The following ANAPC10 variants were observed in gnomAD, a reference collection of about 807,000 sequenced individuals.
ANAPC10 encodes anaphase-promoting complex subunit 10.
A neutral mutation model predicts 22.0 loss-of-function variants in ANAPC10; 12 were observed. The observed-to-expected ratio is 0.55, with a 90% CI of 0.35 to 0.88. ANAPC10 has a LOEUF of 0.88. Ranked by LOEUF, ANAPC10 falls within the 40% of genes least tolerant of loss-of-function variation. The pLI is 0.01. For missense variants in ANAPC10, 188 were observed against 220.9 expected (o/e 0.85, Z 0.94); for synonymous variants, 65 against 69.5 (o/e 0.94, Z 0.32).
chr4:145,037,156 T>C (rs1337401768), intron 4 of ANAPC10, among the ~76,000 whole-genome samples: 1 of 152,064 alleles, frequency 6.6e-6, no homozygotes, highest in Non-Finnish European at 1.5e-5. Flanking sequence ...CCATGAGGTT[T>C]AGTTTTTTCC....
At chr4:145,021,952 T>C (rs1281227895) in intron 4 of ANAPC10, among the ~76,000 whole-genome samples, 1 of 152,074 alleles carries the variant, frequency 6.6e-6, no homozygotes, top group Non-Finnish European at 1.5e-5. Flanking sequence ...AAATGCGAAT[T>C]AAAATCACAA....
intron 4 of ANAPC10, among the ~76,000 whole-genome samples, chr4:145,002,161 A>G (rs537030520): frequency 1.2e-4 from 18 of 152,222 alleles, no homozygotes; most frequent in Admixed American, 3.3e-4. Flanking sequence ...AGCAGATTCT[A>G]GAATTTTAAC....
intron 4 of ANAPC10, among the ~76,000 whole-genome samples, chr4:145,013,702 C>A (rs527384403): frequency 7.9e-5 from 12 of 152,132 alleles, no homozygotes; most frequent in African/African-American, 2.9e-4. Context: ...GACCCACAGA[C>A]CCTCTGAAAA....
intron 3 of ANAPC10, among the ~76,000 whole-genome samples, chr4:145,075,704 T>A (rs561821537): frequency 1.3e-5 from 2 of 152,164 alleles, no homozygotes; most frequent in South Asian, 2.1e-4. Context: ...TCACCATGTA[T>A]CTCCAGAATT....
intron 4 of ANAPC10, among the ~76,000 whole-genome samples, chr4:145,007,653 G>T (rs1450869894): frequency 6.6e-6 from 1 of 152,150 alleles, no homozygotes; most frequent in Non-Finnish European, 1.5e-5. Flanking sequence ...CAACAAACCA[G>T]AATCTCTGGG....
intron 2 of ANAPC10, among the ~76,000 whole-genome samples, chr4:145,093,135 G>GTGTGT (rs1747943836): frequency 1.3e-5 from 2 of 152,200 alleles, no homozygotes; most frequent in South Asian, 4.1e-4. Context: ...AGCATGGCAA[G>GTGTGT]AGGCACCCTC....
At chr4:145,049,580 A>G (rs1394196846) in intron 4 of ANAPC10, among the ~76,000 whole-genome samples, 1 of 151,934 alleles carries the variant, frequency 6.6e-6, no homozygotes, top group African/African-American at 2.4e-5. Context: ...TTCAGGCTCC[A>G]TTTCTTTTTG....
chr4:145,047,524 GA>G, intron 4 of ANAPC10, among the ~76,000 whole-genome samples: 1 of 152,096 alleles, frequency 6.6e-6, no homozygotes, highest in Admixed American at 6.6e-5. Context: ...TTTCAAATTT[GA>G]ATTCCATATC....
intron 4 of ANAPC10, among the ~76,000 whole-genome samples, chr4:145,043,985 A>C (rs953823639): frequency 5.3e-5 from 8 of 152,146 alleles, no homozygotes; most frequent in African/African-American, 1.9e-4. Context: ...TTACCAAAAA[A>C]AGAGAAAAAC....
upstream of ANAPC10, chr4:145,098,487 C>T (rs1277656482): frequency 6.6e-6 from 1 of 152,412 alleles, no homozygotes; most frequent in Non-Finnish European, 1.5e-5. Context: ...AATGTAGGGA[C>T]GTTCTCCGAG....
At chr4:145,002,375 T>C (rs1560805372) in intron 4 of ANAPC10, among the ~76,000 whole-genome samples, 1 of 151,696 alleles carries the variant, frequency 6.6e-6, no homozygotes, top group Non-Finnish European at 1.5e-5. Context: ...TCTGCCCTAG[T>C]GAAGAAGGCG....
chr4:145,016,888 T>C lies in ANAPC10; in HGVS notation c.328-21285A>G, dbSNP rs531844891. 4.4e-3 allele frequency among the ~76,000 whole-genome samples: 676 copies of C among 152,306 alleles called. 3 individuals are homozygous for C. Among genetic ancestry groups the C allele is most frequent in the African/African-American group, 0.015 (616 of 41,574 alleles). ...AATGGGGAAAGGATTCCCTATTTAA[T>C]AAATGGTGTTGGGAAAACTGGCTAG... On this transcript the variant is annotated intron_variant, in intron 4 of 4. Coordinates refer to ENST00000507656, the MANE Select transcript of ANAPC10 (RefSeq NM_001256706.2).
At chr4:144,999,136 C>T (rs1237219136) in intron 4 of ANAPC10, 2 of 152,150 alleles carry the variant, frequency 1.3e-5, no homozygotes, top group African/African-American at 2.4e-5. Context: ...AGCCTACCAA[C>T]CAAAACAAGT....
intron 2 of ANAPC10, among the ~76,000 whole-genome samples, chr4:145,089,854 C>T (rs1387823236): frequency 6.6e-6 from 1 of 152,112 alleles, no homozygotes; most frequent in Non-Finnish European, 1.5e-5. Flanking sequence ...AATCTTGCCT[C>T]ACTTCAATCC....
At chr4:145,056,250 T>C (rs555167156) in intron 4 of ANAPC10, among the ~76,000 whole-genome samples, 59 of 152,318 alleles carry the variant, frequency 3.9e-4, no homozygotes, top group Middle Eastern at 3.4e-3. Flanking sequence ...AAAACCAAGA[T>C]GGCCACGAGA....
intron 4 of ANAPC10, among the ~76,000 whole-genome samples, chr4:145,039,317 C>A (rs1739139880): frequency 6.6e-6 from 1 of 152,174 alleles, no homozygotes; most frequent in East Asian, 1.9e-4. Flanking sequence ...ATAAGATGCA[C>A]AATTCTGACT....
At chr4:145,004,371 G>T (rs1191938891) in intron 4 of ANAPC10, among the ~76,000 whole-genome samples, 1 of 152,018 alleles carries the variant, frequency 6.6e-6, no homozygotes, top group African/African-American at 2.4e-5. Flanking sequence ...AGAACTTCCA[G>T]GACTATGCTG....
chr4:145,048,980 G>C (rs1393658089), intron 4 of ANAPC10, among the ~76,000 whole-genome samples: 1 of 152,154 alleles, frequency 6.6e-6, no homozygotes, highest in African/African-American at 2.4e-5. Flanking sequence ...CCAGACCACA[G>C]CAATAAAGTG....
chr4:145,064,999 G>T, intron 3 of ANAPC10, among the ~76,000 whole-genome samples: 1 of 151,954 alleles, frequency 6.6e-6, no homozygotes, highest in Non-Finnish European at 1.5e-5. Flanking sequence ...AAGCATTAAG[G>T]ATTTCCATCC....
Sources: gnomAD v4.1 joint callset for allele counts (sites outside exome capture counted in the v4.1 genomes callset) on GRCh38, gnomAD v4.1.1 for gene constraint, MANE v1.5 for transcripts, NCBI Gene and HGNC (gene_info 2026-07-23, HGNC 2026-07-21) for gene names.